The following ST18 variants were observed in gnomAD, a reference collection of about 807,000 sequenced individuals.
ST18 encodes suppression of tumorigenicity 18 protein.
ST18 carries 50 observed loss-of-function variants against 110.0 expected under a neutral mutation model. The ratio of observed to expected loss-of-function variants is 0.45; its 90% CI spans 0.36 to 0.58. The LOEUF (loss-of-function observed/expected upper bound fraction) is 0.58. Ranked by LOEUF, ST18 falls within the 20% of genes least tolerant of loss-of-function variation. The probability of loss-of-function intolerance (pLI) is 0.00; values close to 1 mark genes in which losing one functional copy is unlikely to be tolerated. For synonymous variants in ST18, 461 were observed against 452.4 expected, an observed-to-expected ratio of 1.02 and a Z score of -0.24; for missense variants, 1,306 against 1,280.1, an observed-to-expected ratio of 1.02 and a Z score of -0.31.
At chr8:52,306,804 A>C (rs537428667) in intron 2 of ST18, among the ~76,000 whole-genome samples, 29 of 152,284 alleles carry the variant, frequency 1.9e-4, no homozygotes, top group African/African-American at 6.7e-4. Context: ...AGAAATAGAA[A>C]TCAAATCTAT....
chr8:52,329,781 A>G (rs557936021), intron 2 of ST18, among the ~76,000 whole-genome samples: 1 of 152,230 alleles, frequency 6.6e-6, no homozygotes, highest in Non-Finnish European at 1.5e-5. Context: ...AAGAAACAAA[A>G]AAAGAAAAGA....
At chr8:52,361,408 A>G (rs1344833974) in intron 2 of ST18, among the ~76,000 whole-genome samples, 2 of 152,218 alleles carry the variant, frequency 1.3e-5, no homozygotes, top group Non-Finnish European at 2.9e-5. Context: ...ATCAAGACAT[A>G]TGGAAGGCAT....
At chr8:52,368,989 C>A (rs1829228905) in intron 2 of ST18, among the ~76,000 whole-genome samples, 1 of 152,036 alleles carries the variant, frequency 6.6e-6, no homozygotes, top group South Asian at 2.1e-4. Context: ...TACCTAACAG[C>A]AAAAAGGGCC....
chr8:52,209,788 A>AAATAT (rs1554719674), intron 8 of ST18, among the ~76,000 whole-genome samples: 97 of 105,680 alleles, frequency 9.2e-4, no homozygotes, highest in East Asian at 2.8e-3. Context: ...AAAAAAAAAA[A>AAATAT]ATATATATAT....
intron 23 of ST18, 105 bp from the exon 24 acceptor site, chr8:52,118,546 GT>G (rs2043401095): frequency 1.6e-6 from 1 of 627,812 alleles, no homozygotes; most frequent in Non-Finnish European, 2.6e-6. Context: ...CTTTCATTTA[GT>G]GTTTTTACCA....
At chr8:52,307,403 G>T (rs2095832271) in intron 2 of ST18, among the ~76,000 whole-genome samples, 1 of 152,094 alleles carries the variant, frequency 6.6e-6, no homozygotes. Flanking sequence ...TGGGTATTCT[G>T]TCAAAGTCCA....
chr8:52,377,308 A>G lies in ST18; in HGVS notation c.-465+32020T>C, dbSNP rs187596615. The stretch of plus-strand genomic sequence containing the variant: ...TCTGGTGTTTATGCTTCTACCTATA[A>G]CTGATTTAGTACAACACAACCTCAC... On this transcript the variant is annotated intron_variant, in intron 2 of 25. Transcript: ENST00000689386. Among the ~76,000 whole-genome samples the G allele has an allele frequency of 6.6e-5, 10 of 152,318 alleles. No homozygotes were observed. The East Asian group carries it at 1.7e-3, about 26-fold the overall frequency.
chr8:52,125,885 T>A, intron 23 of ST18, 167 bp downstream of exon 23: 1 of 576,838 alleles, frequency 1.7e-6, no homozygotes, highest in Non-Finnish European at 3.0e-6. Context: ...ACCAAAAAAT[T>A]GGTTTTTAAA....
At chr8:52,372,061 T>C (rs567781515) in intron 2 of ST18, among the ~76,000 whole-genome samples, 5 of 152,194 alleles carry the variant, frequency 3.3e-5, no homozygotes, top group Non-Finnish European at 5.9e-5. Flanking sequence ...ATTGTTGTCA[T>C]AGAGATGACA....
chr8:52,189,333 A>C (rs1254383424), intron 8 of ST18, among the ~76,000 whole-genome samples: 1 of 152,088 alleles, frequency 6.6e-6, no homozygotes, highest in Non-Finnish European at 1.5e-5. Context: ...TGGCAAGCCA[A>C]CTCCCATGCT....
rs574378573 is a variant in ST18 at position 52,147,172 on chromosome 8, A to T, written c.2052+2560T>A. Among the ~76,000 whole-genome samples the T allele has an allele frequency of 3.3e-5, 5 of 152,318 alleles. No individual in the cohort carries two copies. The South Asian group carries it at 6.2e-4, about 19-fold the overall frequency. ...TAAAGAGCATCAATCCACTCTAAAG[A>T]ATCCCATCTTGTGTGTGTGAATTTG... On this transcript the variant is annotated intron_variant, in intron 16 of 25. Coordinates refer to ENST00000689386, the MANE Select transcript of ST18 (RefSeq NM_001352837.2).
At chr8:52,121,511 A>G (rs2044792828) in intron 23 of ST18, among the ~76,000 whole-genome samples, 1 of 152,180 alleles carries the variant, frequency 6.6e-6, no homozygotes, top group Admixed American at 6.5e-5. Context: ...CACAGTCTCT[A>G]AGAACCTTTG....
intron 2 of ST18, among the ~76,000 whole-genome samples, chr8:52,366,752 ATTGTC>A (rs2140522183): frequency 6.6e-6 from 1 of 152,158 alleles, no homozygotes; most frequent in South Asian, 2.1e-4. Flanking sequence ...ATTACCTGAT[ATTGTC>A]TTATTGTTTG....
intron 23 of ST18, among the ~76,000 whole-genome samples, chr8:52,123,538 T>C (rs1047632232): frequency 2.0e-5 from 3 of 152,172 alleles, no homozygotes; most frequent in African/African-American, 7.2e-5. Context: ...TCATTGTAGG[T>C]TCTTAAGCTT....
rs2058339236 is a variant in ST18 at position 52,149,833 on chromosome 8, G to A, written c.1951C>T (p.Leu651=). Residue 651 remains leucine (L), a synonymous_variant, in exon 16 of 26, where the codon CTG becomes TTG. Transcript: ENST00000689386. ...SSSPFKTSSI[L]VNAAFYQALC... ...GCCTGATAGAATGCTGCATTGACCA[G>A]AATGCTGCTTGTTTTGAATGGGGAA... 6.2e-7 allele frequency: 1 copy of A among 1,614,180 alleles called. No individual in the cohort carries two copies. Among genetic ancestry groups the A allele is most frequent in the East Asian group, 2.2e-5 (1 of 44,874 alleles).
intron 8 of ST18, among the ~76,000 whole-genome samples, chr8:52,196,935 A>G (rs1250610131): frequency 1.3e-5 from 2 of 152,330 alleles, no homozygotes; most frequent in Non-Finnish European, 2.9e-5. Context: ...ACCCTTGCAT[A>G]CATACTTCCA....
intron 2 of ST18, chr8:52,405,264 C>T (rs976149716): frequency 2.6e-5 from 4 of 152,318 alleles, no homozygotes; most frequent in African/African-American, 9.6e-5. Context: ...AAAACTATAA[C>T]ATCAATGCTC....
At chr8:52,212,022 A>G in intron 8 of ST18, 57 bp downstream of exon 8, 4 of 1,537,866 alleles carry the variant, frequency 2.6e-6, no homozygotes, top group African/African-American at 1.4e-5. Flanking sequence ...AGTACAAATC[A>G]TTCGAATAAT....
intron 2 of ST18, among the ~76,000 whole-genome samples, chr8:52,330,926 A>G (rs537606318): frequency 6.6e-6 from 1 of 152,342 alleles, no homozygotes; most frequent in East Asian, 1.9e-4. Context: ...AGAGAGCCAC[A>G]GAGACAGAGA....
Sources: gnomAD v4.1 joint callset for allele counts (sites outside exome capture counted in the v4.1 genomes callset) on GRCh38, gnomAD v4.1.1 for gene constraint, MANE v1.5 for transcripts, NCBI Gene and HGNC (gene_info 2026-07-23, HGNC 2026-07-21) for gene names.